Variants in SYNPR observed in about 807,000 individuals in gnomAD.
The protein encoded by SYNPR is synaptoporin.
Under a neutral mutation model 32.9 loss-of-function variants are expected in SYNPR, and 23 were observed. The ratio of observed to expected loss-of-function variants is 0.70; its 90% confidence interval spans 0.50 to 0.99. The LOEUF is 0.99. Among genes scored for constraint, SYNPR ranks in the 50% least tolerant of loss-of-function variants. The pLI is 0.00. For synonymous variants in SYNPR, 146 were observed against 135.9 expected, an observed-to-expected ratio of 1.07 and a Z score of -0.52; for missense variants, 318 against 349.3, an observed-to-expected ratio of 0.91 and a Z score of 0.71.
At chr3:63,356,393 C>T (rs533256461) in intron 2 of SYNPR, among the ~76,000 whole-genome samples, 26 of 152,348 alleles carry the variant, frequency 1.7e-4, no homozygotes, top group African/African-American at 6.3e-4. Context: ...ATTTATTAAA[C>T]ACTCATTATG....
intron 2 of SYNPR, among the ~76,000 whole-genome samples, chr3:63,324,198 T>C (rs1283310172): frequency 1.3e-5 from 2 of 152,144 alleles, no homozygotes; most frequent in Non-Finnish European, 2.9e-5. Flanking sequence ...GTAAGTATTA[T>C]TAATCTCATT....
rs543290821 is a variant in SYNPR at position 63,515,277 on chromosome 3, G to T, written c.209+34321G>T. ...CTACTCTTCCTACTCCCCCTCTGTT[G>T]TTCTCACCTCCTCAGTATCTAAAGT... On this transcript the variant is annotated intron_variant, in intron 3 of 5. Coordinates refer to ENST00000478300, the MANE Select transcript of SYNPR (RefSeq NM_001130003.2). Among the ~76,000 whole-genome samples, 27 of 151,930 alleles carry T rather than the reference G, an allele frequency of 1.8e-4. No individual in the cohort carries two copies. In the South Asian group the frequency reaches 5.2e-3, roughly 29 times the overall value.
chr3:63,406,223 C>T (rs957152569), intron 2 of SYNPR, among the ~76,000 whole-genome samples: 3 of 150,136 alleles, frequency 2.0e-5, no homozygotes, highest in African/African-American at 7.3e-5. Context: ...AAAAAAGCCA[C>T]CTATGCCCTG....
At chr3:63,403,948 G>A (rs550260279) in intron 2 of SYNPR, among the ~76,000 whole-genome samples, 2 of 152,164 alleles carry the variant, frequency 1.3e-5, no homozygotes, top group Non-Finnish European at 2.9e-5. Flanking sequence ...CACATGTAGG[G>A]TGGATTTAAT....
At chr3:63,436,970 G>A (rs1031613627) in intron 2 of SYNPR, among the ~76,000 whole-genome samples, 24 of 152,126 alleles carry the variant, frequency 1.6e-4, no homozygotes, top group African/African-American at 5.5e-4. Flanking sequence ...TCCGCCTCCC[G>A]GGTTCAAGCA....
At chr3:63,335,790 T>TTTTTTTTTTTTTA (rs2087285250) in intron 2 of SYNPR, among the ~76,000 whole-genome samples, 1 of 142,460 alleles carries the variant, frequency 7.0e-6, no homozygotes, top group Non-Finnish European at 1.5e-5. Flanking sequence ...TTTTTTTTTT[T>TTTTTTTTTTTTTA]GAGACAGAGT....
intron 4 of SYNPR, among the ~76,000 whole-genome samples, chr3:63,600,379 C>G (rs932284438): frequency 2.6e-5 from 4 of 152,174 alleles, no homozygotes; most frequent in Non-Finnish European, 4.4e-5. Flanking sequence ...CCTCTGGATA[C>G]CAGCTGGGTT....
At chr3:63,252,123 A>G (rs73115390) in intron 1 of SYNPR, among the ~76,000 whole-genome samples, 9,497 of 152,178 alleles carry the variant, frequency 0.062, 382 homozygotes, top group Middle Eastern at 0.088. Context: ...ATTTTAAATT[A>G]AAAAAGACAA....
At chr3:63,268,593 C>T (rs1560173870) in intron 3 of SYNPR, among the ~76,000 whole-genome samples, 1 of 152,068 alleles carries the variant, frequency 6.6e-6, no homozygotes, top group Non-Finnish European at 1.5e-5. Flanking sequence ...AAGGGAAATA[C>T]ATTTACTATA....
intron 4 of SYNPR, among the ~76,000 whole-genome samples, chr3:63,601,236 G>C (rs1418094171): frequency 1.3e-5 from 2 of 150,776 alleles, no homozygotes; most frequent in Non-Finnish European, 2.9e-5. Flanking sequence ...TCGTGCCATT[G>C]CACTCCAGCC....
chr3:63,238,925 AT>A (rs1161170094), intron 1 of SYNPR, among the ~76,000 whole-genome samples: 1 of 152,164 alleles, frequency 6.6e-6, no homozygotes, highest in African/African-American at 2.4e-5. Flanking sequence ...TCATTGCTGT[AT>A]TACACTTTAA....
intron 2 of SYNPR, among the ~76,000 whole-genome samples, chr3:63,409,695 A>G (rs1341572551): frequency 6.6e-6 from 1 of 152,144 alleles, no homozygotes; most frequent in Admixed American, 6.6e-5. Context: ...CAACCCTATG[A>G]GGTAGATGTT....
intron 2 of SYNPR, among the ~76,000 whole-genome samples, chr3:63,400,099 G>A (rs1292896511): frequency 6.6e-6 from 1 of 152,168 alleles, no homozygotes; most frequent in Non-Finnish European, 1.5e-5. Context: ...ACCTATAGAT[G>A]CACAAAGAAA....
chr3:63,254,284 G>A (rs545616510), intron 2 of SYNPR, among the ~76,000 whole-genome samples: 35 of 152,156 alleles, frequency 2.3e-4, no homozygotes, highest in African/African-American at 7.5e-4. Context: ...AAACCTGTAC[G>A]TTGTGCACAT....
intron 2 of SYNPR, among the ~76,000 whole-genome samples, chr3:63,419,208 A>G (rs921270634): frequency 5.9e-5 from 9 of 152,246 alleles, no homozygotes; most frequent in African/African-American, 2.2e-4. Flanking sequence ...ATGTGGACTC[A>G]GCCCACCTGA....
chr3:63,446,899 C>T (rs767613558), intron 2 of SYNPR, among the ~76,000 whole-genome samples: 2 of 152,002 alleles, frequency 1.3e-5, no homozygotes, highest in Non-Finnish European at 2.9e-5. Context: ...TGGTTAGGCA[C>T]CCAGTTAGTT....
chr3:63,252,805 C>G (rs9821767), intron 2 of SYNPR, among the ~76,000 whole-genome samples: 2,366 of 152,196 alleles, frequency 0.016, 49 homozygotes, highest in African/African-American at 0.053. Flanking sequence ...CGTTGGGTGG[C>G]TGAGGAGGGC....
chr3:63,335,159 C>A (rs1045834582), intron 2 of SYNPR, among the ~76,000 whole-genome samples: 1 of 152,094 alleles, frequency 6.6e-6, no homozygotes, highest in African/African-American at 2.4e-5. Flanking sequence ...TCGAGACCAT[C>A]CTGGCTAACA....
At chr3:63,555,864 G>A (rs1702587569) in intron 3 of SYNPR, among the ~76,000 whole-genome samples, 1 of 152,176 alleles carries the variant, frequency 6.6e-6, no homozygotes. Context: ...TACCAAGACA[G>A]CTTTATCTGC....
Sources: gnomAD v4.1 joint callset for allele counts (sites outside exome capture counted in the v4.1 genomes callset) on GRCh38, gnomAD v4.1.1 for gene constraint, MANE v1.5 for transcripts, NCBI Gene and HGNC (gene_info 2026-07-23, HGNC 2026-07-21) for gene names.